SAMD3: variants seen among roughly 807,000 people sequenced by gnomAD.
The protein encoded by SAMD3 is sterile alpha motif domain containing 3.
In SAMD3, 63 loss-of-function variants were observed where a neutral mutation model predicts 58.5. The observed-to-expected ratio is 1.08, with a 90% CI of 0.88 to 1.33. The LOEUF (loss-of-function observed/expected upper bound fraction) is 1.33. SAMD3 is among the 40% of genes most tolerant of loss of function. The pLI is 0.00. For synonymous variants in SAMD3, 220 were observed against 210.3 expected, an observed-to-expected ratio of 1.05 and a Z score of -0.40; for missense variants, 604 against 608.4, an observed-to-expected ratio of 0.99 and a Z score of 0.08.
intron 2 of SAMD3, among the ~76,000 whole-genome samples, chr6:130,308,435 A>G (rs977253850): frequency 1.5e-5 from 2 of 129,698 alleles, no homozygotes; most frequent in East Asian, 2.3e-4. Flanking sequence ...ATTCTATTCT[A>G]TTCTTTTGTG....
chr6:130,221,146 G>A (rs191700170), intron 1 of SAMD3, among the ~76,000 whole-genome samples: 91 of 152,232 alleles, frequency 6.0e-4, no homozygotes, highest in African/African-American at 1.8e-3. Flanking sequence ...GAGCCACCAC[G>A]CCCAGCCAGT....
intron 5 of SAMD3, among the ~76,000 whole-genome samples, chr6:130,193,414 C>T (rs990880646): frequency 2.0e-5 from 3 of 151,976 alleles, no homozygotes; most frequent in African/African-American, 7.3e-5. Flanking sequence ...GCCCTGACCT[C>T]TTATCTCTGC....
rs569585035 is a variant in SAMD3 at position 130,354,349 on chromosome 6, G to C, written c.-304+10771C>G. Among the ~76,000 whole-genome samples the C allele has an allele frequency of 7.2e-4, 110 of 152,218 alleles. 1 individual carries two copies. Among genetic ancestry groups the C allele is most frequent in the Admixed American group, 1.6e-3 (25 of 15,282 alleles). On this transcript the variant is annotated intron_variant, in intron 1 of 13. Transcript: ENST00000368134. ...GTATATACCCAAAGTAATGTAAATT[G>C]TTCTATCATAAAGACACATTCATGC... is the stretch of plus-strand genomic sequence containing the variant.
intron 5 of SAMD3, among the ~76,000 whole-genome samples, chr6:130,193,773 A>G (rs938449601): frequency 1.1e-4 from 16 of 152,198 alleles, no homozygotes; most frequent in African/African-American, 3.4e-4. Flanking sequence ...CAAGTTTTCC[A>G]TCCTGCAAGA....
At chr6:130,239,592 AAC>A (rs1773284384) in intron 2 of SAMD3, among the ~76,000 whole-genome samples, 1 of 152,200 alleles carries the variant, frequency 6.6e-6, no homozygotes, top group East Asian at 1.9e-4. Context: ...TACAGATTTG[AAC>A]ACTGTAGAGG....
intron 9 of SAMD3, 57 bp downstream of exon 9, chr6:130,154,764 ATATG>A (rs1454082624): frequency 3.3e-5 from 21 of 632,468 alleles, no homozygotes; most frequent in Non-Finnish European, 4.5e-5. Flanking sequence ...TAATATTAAA[ATATG>A]TGTGTGTGTG....
At chr6:130,220,882 C>G (rs977872104) in intron 1 of SAMD3, among the ~76,000 whole-genome samples, 6 of 151,166 alleles carry the variant, frequency 4.0e-5, no homozygotes, top group African/African-American at 1.5e-4. Flanking sequence ...TTTTGACAGT[C>G]TCGCTCTGTT....
At position 130,357,307 on chromosome 6, in the gene SAMD3, G is replaced by A. The variant is rs529880507; in HGVS notation, c.-304+7813C>T. Among the ~76,000 whole-genome samples, 101 of 151,418 alleles carry A rather than the reference G, an allele frequency of 6.7e-4. 1 individual carries two copies. In the Middle Eastern group the frequency reaches 0.014, roughly 20 times the overall value. On this transcript the variant is annotated intron_variant, in intron 1 of 13. Transcript: ENST00000368134. Reference sequence around the variant, plus strand: ...GCCAGGCTAATTTTTTGTATTTTTAGTAGAGACGGGGTTTCACCGTGTTAG... The same window carrying A: ...GCCAGGCTAATTTTTTGTATTTTTAATAGAGACGGGGTTTCACCGTGTTAG...
intron 2 of SAMD3, among the ~76,000 whole-genome samples, chr6:130,270,173 T>C (rs4895868): frequency 0.31 from 47,297 of 152,028 alleles, 7,730 homozygotes; most frequent in East Asian, 0.47. Flanking sequence ...CTCACTGAAA[T>C]TTCTGCCTCC....
chr6:130,306,764 C>T (rs1224597922), intron 2 of SAMD3, among the ~76,000 whole-genome samples: 2 of 152,130 alleles, frequency 1.3e-5, no homozygotes, highest in Admixed American at 6.5e-5. Flanking sequence ...TTATACTAAC[C>T]TTATAGAATG....
chr6:130,288,162 A>C (rs1775228673), intron 2 of SAMD3, among the ~76,000 whole-genome samples: 1 of 152,196 alleles, frequency 6.6e-6, no homozygotes, highest in Non-Finnish European at 1.5e-5. Context: ...AGAACCAGAT[A>C]TATCTATACA....
intron 1 of SAMD3, among the ~76,000 whole-genome samples, chr6:130,319,705 A>C (rs1395885223): frequency 6.6e-6 from 1 of 152,210 alleles, no homozygotes; most frequent in Non-Finnish European, 1.5e-5. Context: ...AGAATTAAGA[A>C]ATGGCATGTA....
intron 8 of SAMD3, among the ~76,000 whole-genome samples, chr6:130,163,333 C>G (rs1445069168): frequency 6.6e-6 from 1 of 152,174 alleles, no homozygotes; most frequent in Non-Finnish European, 1.5e-5. Context: ...TTCTATTGGA[C>G]AGTGTTGTGT....
intron 2 of SAMD3, among the ~76,000 whole-genome samples, chr6:130,259,983 A>T (rs1774066448): frequency 6.6e-6 from 1 of 152,190 alleles, no homozygotes; most frequent in African/African-American, 2.4e-5. Context: ...GAATAAGTAC[A>T]TCATCACAAG....
intron 5 of SAMD3, among the ~76,000 whole-genome samples, chr6:130,192,705 G>A (rs989729512): frequency 5.9e-5 from 9 of 152,136 alleles, no homozygotes; most frequent in Non-Finnish European, 8.8e-5. Flanking sequence ...ACACGGTCGC[G>A]CATGAAATTT....
chr6:130,226,159 TG>T (rs1349885921), upstream of SAMD3, among the ~76,000 whole-genome samples: 1 of 152,122 alleles, frequency 6.6e-6, no homozygotes, highest in Non-Finnish European at 1.5e-5. Flanking sequence ...GAGCTTGAGG[TG>T]TTATTGAAGG....
At chr6:130,238,176 A>G (rs1444716161) in intron 2 of SAMD3, among the ~76,000 whole-genome samples, 1 of 152,200 alleles carries the variant, frequency 6.6e-6, no homozygotes, top group Non-Finnish European at 1.5e-5. Context: ...ATTTTATAAA[A>G]TGAAATTTAT....
At chr6:130,179,210 C>A (rs992042057) in intron 7 of SAMD3, among the ~76,000 whole-genome samples, 1 of 152,182 alleles carries the variant, frequency 6.6e-6, no homozygotes. Context: ...AAATCAAATA[C>A]AATCTTCCAC....
chr6:130,236,243 CAT>C (rs1773142330), intron 2 of SAMD3, among the ~76,000 whole-genome samples: 3 of 152,160 alleles, frequency 2.0e-5, no homozygotes, highest in African/African-American at 7.2e-5. Flanking sequence ...GTGGATTACA[CAT>C]GTGTGTTAAT....
Sources: gnomAD v4.1 joint callset for allele counts (sites outside exome capture counted in the v4.1 genomes callset) on GRCh38, gnomAD v4.1.1 for gene constraint, MANE v1.5 for transcripts, NCBI Gene and HGNC (gene_info 2026-07-23, HGNC 2026-07-21) for gene names.